Variants in SNX13 observed in about 807,000 individuals in gnomAD.
SNX13 encodes sorting nexin 13, also known as sorting nexin-13.
Under a neutral mutation model 133.6 loss-of-function variants are expected in SNX13, and 45 were observed. That is an observed-to-expected ratio of 0.34 (90% CI 0.27 to 0.43). The LOEUF is 0.43. Ranked by LOEUF, SNX13 falls within the 20% of genes least tolerant of loss-of-function variation. SNX13 has a pLI of 1.00. For synonymous variants in SNX13, 414 were observed against 373.9 expected, an observed-to-expected ratio of 1.11 and a Z score of -1.24; for missense variants, 1,032 against 1,145.1, an observed-to-expected ratio of 0.90 and a Z score of 1.43.
intron 1 of SNX13, among the ~76,000 whole-genome samples, chr7:17,932,841 C>T (rs368145924): frequency 2.1e-4 from 32 of 152,302 alleles, no homozygotes; most frequent in African/African-American, 7.5e-4. Context: ...ATCTTTTCCC[C>T]TCTTAACTTT....
intron 2 of SNX13, among the ~76,000 whole-genome samples, chr7:17,896,821 A>G (rs1301469267): frequency 1.3e-5 from 2 of 152,126 alleles, no homozygotes; most frequent in African/African-American, 2.4e-5. Context: ...TTATCAACTT[A>G]AGGGAAAACA....
intron 9 of SNX13, among the ~76,000 whole-genome samples, chr7:17,857,440 A>G (rs1329141149): frequency 6.6e-6 from 1 of 152,178 alleles, no homozygotes; most frequent in Non-Finnish European, 1.5e-5. Context: ...CAAAAAAAGA[A>G]AACTACAAGC....
At chr7:17,923,222 A>G (rs1263326034) in intron 1 of SNX13, among the ~76,000 whole-genome samples, 2 of 152,244 alleles carry the variant, frequency 1.3e-5, no homozygotes, top group African/African-American at 4.8e-5. Flanking sequence ...AAAGCAAAAC[A>G]AGAAAGTTGG....
intron 5 of SNX13, among the ~76,000 whole-genome samples, chr7:17,883,232 T>G (rs1006761131): frequency 6.6e-6 from 1 of 151,980 alleles, no homozygotes. Flanking sequence ...TCTCAGAAAA[T>G]AGTAAAAAAT....
chr7:17,850,833 A>T lies in SNX13; in HGVS notation c.969T>A (p.Ala323=). Residue 323 remains alanine (A), a synonymous_variant, in exon 10 of 26, where the codon GCT becomes GCA. Transcript: ENST00000428135. ...ATTAAATACATTACTTACCATCACC[A>T]GCTGTATCTAGAGATCTAAGATACT... ...ELQYLRSLDT[A]GDDINTIKNQ... 6.3e-7 allele frequency: 1 copy of T among 1,578,900 alleles called. No individual in the cohort carries two copies. The highest frequency in any genetic ancestry group is 2.0e-5 in the Admixed American group (1 of 50,312).
rs1554302658 is a variant in SNX13, at chr7:17,801,034, A to ATATG, written c.2298+553_2298+554insCATA. 3.8e-3 allele frequency among the ~76,000 whole-genome samples: 75 copies of ATATG among 19,994 alleles called. 1 individual carries two copies. The highest frequency in any genetic ancestry group is 0.1 in the Middle Eastern group (2 of 20). 13.1% of individuals were successfully genotyped at this position (19,994 alleles called of 152,430 possible). On this transcript the variant is annotated intron_variant, in intron 22 of 25. Coordinates refer to ENST00000428135, the MANE Select transcript of SNX13 (RefSeq NM_015132.5). ...CATATATATATATATATATATATAT[A>ATATG]TATATATATATATATATATATATAT...
chr7:17,812,509 G>C (rs768816674), intron 20 of SNX13, among the ~76,000 whole-genome samples: 1 of 152,210 alleles, frequency 6.6e-6, no homozygotes, highest in Non-Finnish European at 1.5e-5. Flanking sequence ...ATGCTGGAGA[G>C]GATGTGGAGA....
chr7:17,822,126 A>C (rs1253630974), intron 17 of SNX13, among the ~76,000 whole-genome samples: 1 of 152,170 alleles, frequency 6.6e-6, no homozygotes, highest in Admixed American at 6.5e-5. Context: ...CAGCCACGGG[A>C]TAACATTTAT....
chr7:17,856,161 G>A (rs1791851306), intron 9 of SNX13, among the ~76,000 whole-genome samples: 1 of 152,162 alleles, frequency 6.6e-6, no homozygotes, highest in Non-Finnish European at 1.5e-5. Context: ...GAAAATAAAA[G>A]TCAAAATGTG....
At chr7:17,882,974 C>A (rs540978352) in intron 5 of SNX13, 5 of 385,976 alleles carry the variant, frequency 1.3e-5, no homozygotes, top group South Asian at 9.3e-5. Context: ...AAAACAAAAA[C>A]AAACAGGGTT....
chr7:17,890,247 A>G, intron 5 of SNX13, 116 bp downstream of exon 5: 5 of 922,134 alleles, frequency 5.4e-6, no homozygotes, highest in Non-Finnish European at 7.6e-6. Flanking sequence ...CACAGTAATA[A>G]TCTGCTGTTC....
intron 1 of SNX13, chr7:17,898,089 C>T (rs76576504): frequency 6.6e-6 from 1 of 151,432 alleles, no homozygotes; most frequent in Non-Finnish European, 1.5e-5. Flanking sequence ...AAAAAAAAAC[C>T]TATTTCATAC....
chr7:17,889,001 G>T, intron 5 of SNX13: 1 of 207,930 alleles, frequency 4.8e-6, no homozygotes. Flanking sequence ...TCAGGCACAA[G>T]AATAATGAAT....
chr7:17,899,321 A>G (rs907817461), intron 1 of SNX13: 28 of 152,154 alleles, frequency 1.8e-4, no homozygotes, highest in African/African-American at 6.5e-4. Context: ...GTGTTCTATA[A>G]CCTTCTTGTA....
chr7:17,838,982 TAAC>T (rs1165128711), intron 13 of SNX13, among the ~76,000 whole-genome samples: 1 of 150,196 alleles, frequency 6.7e-6, no homozygotes, highest in African/African-American at 2.4e-5. Context: ...ATTATATATA[TAAC>T]AATATATGCA....
intron 20 of SNX13, among the ~76,000 whole-genome samples, chr7:17,804,328 T>C (rs774282155): frequency 4.6e-5 from 7 of 152,130 alleles, no homozygotes; most frequent in Non-Finnish European, 1.0e-4. Flanking sequence ...AGAAAACAGG[T>C]AAAATAAACA....
At chr7:17,923,699 C>T (rs151065799) in intron 1 of SNX13, among the ~76,000 whole-genome samples, 2 of 152,186 alleles carry the variant, frequency 1.3e-5, no homozygotes, top group African/African-American at 4.8e-5. Context: ...GAAACAAATA[C>T]TAGTTTCTAC....
chr7:17,805,240 T>TGCGC (rs768695122), intron 20 of SNX13, among the ~76,000 whole-genome samples: 1 of 115,996 alleles, frequency 8.6e-6, no homozygotes, highest in African/African-American at 3.1e-5. Flanking sequence ...TGTGTGTGTG[T>TGCGC]GTGTGTGTGT....
In SNX13 at chr7:17,877,704, C is replaced by T. The variant is rs149444373; in HGVS notation, c.441-1914G>A. ...ATAGAGGATGTAATGACATTTTAAACGAATAAAATTATCAAGCAATGCAAA... is the reference window on the plus strand; with the variant it reads ...ATAGAGGATGTAATGACATTTTAAATGAATAAAATTATCAAGCAATGCAAA... On this transcript the variant is annotated intron_variant, in intron 5 of 25. Coordinates refer to ENST00000428135, the MANE Select transcript of SNX13 (RefSeq NM_015132.5). Among the ~76,000 whole-genome samples, 1,397 of 150,230 alleles carry T rather than the reference C, an allele frequency of 9.3e-3. 17 individuals carry two copies. Among genetic ancestry groups the T allele is most frequent in the Middle Eastern group, 0.048 (12 of 250 alleles).
Sources: gnomAD v4.1 joint callset for allele counts (sites outside exome capture counted in the v4.1 genomes callset) on GRCh38, gnomAD v4.1.1 for gene constraint, MANE v1.5 for transcripts, NCBI Gene and HGNC (gene_info 2026-07-23, HGNC 2026-07-21) for gene names.